KCNH8: variants seen among roughly 807,000 people sequenced by gnomAD.
The protein encoded by KCNH8 is potassium voltage-gated channel subfamily H member 8.
Under a neutral mutation model 103.6 loss-of-function variants are expected in KCNH8, and 70 were observed. The ratio of observed to expected loss-of-function variants is 0.68; its 90% CI spans 0.56 to 0.82. KCNH8 has a LOEUF of 0.82. KCNH8 is among the 40% of genes least tolerant of loss of function. KCNH8 has a pLI of 0.00. For synonymous variants in KCNH8, 498 were observed against 489.4 expected (o/e 1.02, Z -0.23); for missense variants, 1,217 against 1,329.9 (o/e 0.92, Z 1.32).
At chr3:19,223,827 T>C (rs749247437) in intron 1 of KCNH8, among the ~76,000 whole-genome samples, 1 of 152,204 alleles carries the variant, frequency 6.6e-6, no homozygotes, top group African/African-American at 2.4e-5. Context: ...ATTTAAAAAG[T>C]GATGGCTGCC....
At chr3:19,340,350 T>A (rs1559483153) in intron 3 of KCNH8, among the ~76,000 whole-genome samples, 4 of 125,610 alleles carry the variant, frequency 3.2e-5, no homozygotes, top group Non-Finnish European at 5.1e-5. Context: ...TTTTTATTTT[T>A]TTTTTAATTT....
chr3:19,204,238 G>A (rs184578529), intron 1 of KCNH8, among the ~76,000 whole-genome samples: 1 of 152,146 alleles, frequency 6.6e-6, no homozygotes, highest in Admixed American at 6.6e-5. Context: ...TCTGTCATAA[G>A]CATGTGTGAT....
chr3:19,201,136 G>A lies in KCNH8; in HGVS notation c.76+52341G>A, dbSNP rs189861637. On this transcript the variant is annotated intron_variant, in intron 1 of 15. Transcript: ENST00000328405. ...TATCCCAGCTACTAGGAAGGCTGAG[G>A]CATGAGAATCGTTTGAACCTGGAAG... Among the ~76,000 whole-genome samples the A allele has an allele frequency of 1.3e-3, 185 of 137,182 alleles. 4 individuals are homozygous for A. The highest frequency in any genetic ancestry group is 4.4e-3 in the African/African-American group (165 of 37,924). The allele number at this position is 137,182 out of a possible 152,430, so 90.0% of individuals were successfully genotyped here. A position where few individuals can be genotyped will look rare whatever the true frequency, so the allele number is the denominator to read the frequency against.
chr3:19,470,057 T>C (rs185636071), intron 11 of KCNH8, among the ~76,000 whole-genome samples: 3 of 151,180 alleles, frequency 2.0e-5, no homozygotes, highest in Non-Finnish European at 4.4e-5. Flanking sequence ...TTTCTCAAAT[T>C]ATATTTAATT....
intron 15 of KCNH8, among the ~76,000 whole-genome samples, chr3:19,529,397 G>C (rs774180057): frequency 3.9e-5 from 6 of 152,102 alleles, no homozygotes; most frequent in Non-Finnish European, 8.8e-5. Context: ...CAACGTGCAG[G>C]TTTGTTACAT....
intron 8 of KCNH8, among the ~76,000 whole-genome samples, chr3:19,447,061 C>A (rs997486630): frequency 6.6e-6 from 1 of 151,970 alleles, no homozygotes; most frequent in African/African-American, 2.4e-5. Flanking sequence ...TTATATACAT[C>A]AAATTTGCTA....
intron 11 of KCNH8, among the ~76,000 whole-genome samples, chr3:19,501,492 A>G (rs1278032324): frequency 2.0e-5 from 3 of 152,216 alleles, no homozygotes; most frequent in African/African-American, 4.8e-5. Flanking sequence ...ATTTTAGACC[A>G]ATATCCCTGA....
At position 19,534,241 on chromosome 3, in the gene KCNH8, C is replaced by T; in HGVS notation, c.*142C>T. 1.6e-6 allele frequency: 1 copy of T among 632,034 alleles called. No homozygotes were observed. Among genetic ancestry groups the T allele is most frequent in the Non-Finnish European group, 2.8e-6 (1 of 362,098 alleles). The allele number at this position is 632,034 out of a possible 1,614,324, so 39.2% of individuals were successfully genotyped here. A position where few individuals can be genotyped will look rare whatever the true frequency, so the allele number is the denominator to read the frequency against. On this transcript the variant is annotated 3_prime_UTR_variant, in exon 16 of 16. Coordinates refer to ENST00000328405, the MANE Select transcript of KCNH8 (RefSeq NM_144633.3). The stretch of plus-strand genomic sequence containing the variant: ...AAGAGTGTGAGGAGCCAGGGAAAGG[C>T]AGAACCACCTCCATGCTGTAGCAAA...
At chr3:19,344,195 G>T (rs1338352053) in intron 4 of KCNH8, among the ~76,000 whole-genome samples, 1 of 151,960 alleles carries the variant, frequency 6.6e-6, no homozygotes, top group Admixed American at 6.6e-5. Flanking sequence ...AAGAAACAAA[G>T]GTAACCGCAT....
chr3:19,258,807 A>C (rs1325129876), intron 2 of KCNH8, among the ~76,000 whole-genome samples: 1 of 151,308 alleles, frequency 6.6e-6, no homozygotes, highest in African/African-American at 2.4e-5. Context: ...CCAATTATGC[A>C]ACTGTTTTAT....
chr3:19,264,358 TTTC>T (rs2064478406), intron 2 of KCNH8, among the ~76,000 whole-genome samples: 1 of 152,126 alleles, frequency 6.6e-6, no homozygotes, highest in Admixed American at 6.6e-5. Flanking sequence ...GTAGGCAGTC[TTTC>T]TTTTCTTCTT....
chr3:19,393,824 G>T (rs2066473964), intron 6 of KCNH8, among the ~76,000 whole-genome samples: 1 of 152,102 alleles, frequency 6.6e-6, no homozygotes, highest in Non-Finnish European at 1.5e-5. Flanking sequence ...ATTTGATATA[G>T]AATAATTCAC....
intron 4 of KCNH8, among the ~76,000 whole-genome samples, chr3:19,344,886 GA>G (rs575185143): frequency 2.0e-5 from 3 of 151,892 alleles, no homozygotes; most frequent in African/African-American, 4.8e-5. Flanking sequence ...TTTAATGATG[GA>G]AAAAAACACA....
intron 5 of KCNH8, among the ~76,000 whole-genome samples, chr3:19,354,192 C>G (rs935411112): frequency 6.6e-6 from 1 of 152,132 alleles, no homozygotes; most frequent in African/African-American, 2.4e-5. Context: ...AAGACCTCTT[C>G]AAGGAGAACT....
chr3:19,417,456 G>A (rs2066881370), intron 7 of KCNH8, among the ~76,000 whole-genome samples: 1 of 151,550 alleles, frequency 6.6e-6, no homozygotes, highest in South Asian at 2.1e-4. Context: ...CCTTATTCTT[G>A]CTCGGAATAA....
At chr3:19,475,528 C>A (rs1444462493) in intron 11 of KCNH8, among the ~76,000 whole-genome samples, 1 of 152,150 alleles carries the variant, frequency 6.6e-6, no homozygotes, top group Non-Finnish European at 1.5e-5. Flanking sequence ...CAAATCTTGT[C>A]CCTAATTTCC....
At chr3:19,191,175 T>A (rs1485618494) in intron 1 of KCNH8, among the ~76,000 whole-genome samples, 1 of 151,798 alleles carries the variant, frequency 6.6e-6, no homozygotes, top group African/African-American at 2.4e-5. Context: ...TGTGTGTACT[T>A]CCACAAGATA....
intron 1 of KCNH8, among the ~76,000 whole-genome samples, chr3:19,200,021 A>G (rs772888058): frequency 4.6e-5 from 7 of 152,118 alleles, no homozygotes; most frequent in Non-Finnish European, 7.4e-5. Context: ...ATACTGAAGC[A>G]TATAATATCT....
At chr3:19,268,109 G>A (rs577206280) in intron 2 of KCNH8, among the ~76,000 whole-genome samples, 1 of 152,034 alleles carries the variant, frequency 6.6e-6, no homozygotes, top group African/African-American at 2.4e-5. Context: ...TGTTTTGCAC[G>A]TAAGAATACA....
Sources: allele counts gnomAD v4.1 joint callset (sites outside exome capture counted in the v4.1 genomes callset), GRCh38; gene constraint gnomAD v4.1.1; transcripts MANE v1.5; gene names NCBI Gene and HGNC (gene_info 2026-07-23, HGNC 2026-07-21).